The following ARHGAP31 variants were observed in gnomAD, a reference collection of about 807,000 sequenced individuals.
The protein encoded by ARHGAP31 is rho GTPase-activating protein 31.
Under a neutral mutation model 113.9 loss-of-function variants are expected in ARHGAP31, and 34 were observed. The observed-to-expected ratio is 0.30, with a 90% CI of 0.23 to 0.40. The LOEUF is 0.40. Among genes scored for constraint, ARHGAP31 ranks in the 10% least tolerant of loss-of-function variants. The probability of loss-of-function intolerance (pLI) is 1.00; values close to 1 mark genes in which losing one functional copy is unlikely to be tolerated. For missense variants in ARHGAP31, 1,548 were observed against 1,767.1 expected (o/e 0.88, Z 2.22); for synonymous variants, 650 against 684.8 (o/e 0.95, Z 0.79).
chr3:119,359,047 T>C (rs1216218993), intron 1 of ARHGAP31, among the ~76,000 whole-genome samples: 1 of 151,386 alleles, frequency 6.6e-6, no homozygotes, highest in East Asian at 1.9e-4. Context: ...AGAGTCTCAC[T>C]CACTCTGTCA....
chr3:119,295,665 T>C lies in ARHGAP31; in HGVS notation c.100+661T>C, dbSNP rs577008962. ...CATTTGGTGTGTCAGACAAGAAGAG[T>C]GTTGTAAAAAGGTCAGAGGGCCTCC... On this transcript the variant is annotated intron_variant, in intron 1 of 11. Transcript: ENST00000264245. Among the ~76,000 whole-genome samples, 357 of 150,798 alleles carry C rather than the reference T, an allele frequency of 2.4e-3. 3 individuals carry two copies. The highest frequency in any genetic ancestry group is 8.1e-3 in the African/African-American group (334 of 40,982).
chr3:119,309,043 T>C (rs971181685), intron 1 of ARHGAP31, among the ~76,000 whole-genome samples: 1 of 152,150 alleles, frequency 6.6e-6, no homozygotes, highest in African/African-American at 2.4e-5. Flanking sequence ...GGTTTCACGA[T>C]GTTGCCCAGG....
In ARHGAP31 at chr3:119,402,353, G is replaced by A; in HGVS notation, c.1601G>A (p.Gly534Asp). The A allele has an allele frequency of 6.2e-7, 1 of 1,613,774 alleles. No homozygotes were observed. Among genetic ancestry groups the A allele is most frequent in the Non-Finnish European group, 8.5e-7 (1 of 1,180,048 alleles). ...EFSFHGSESG[G>D]WPEEEKPLGA... ...TCTTTTCATGGATCAGAGAGCGGAG[G>A]CTGGCCAGAAGAAGAGAAACCGCTG... Residue 534 changes from glycine to aspartate, a missense_variant, in exon 10 of 12, where the codon GGC (glycine) becomes GAC (aspartate). Transcript: ENST00000264245.
At chr3:119,303,782 G>GT (rs140742505) in intron 1 of ARHGAP31, among the ~76,000 whole-genome samples, 10,838 of 149,658 alleles carry the variant, frequency 0.072, 539 homozygotes, top group Non-Finnish European at 0.1. Context: ...CTCTTTTCAT[G>GT]TTTTTTGTTG....
chr3:119,369,829 C>T (rs1033260393), intron 3 of ARHGAP31, among the ~76,000 whole-genome samples: 1 of 151,764 alleles, frequency 6.6e-6, no homozygotes, highest in Non-Finnish European at 1.5e-5. Context: ...AGTTTGCCCA[C>T]TAAAAATATA....
chr3:119,381,167 A>G (rs2080393667), intron 4 of ARHGAP31, among the ~76,000 whole-genome samples, 181 bp downstream of exon 4: 1 of 152,154 alleles, frequency 6.6e-6, no homozygotes, highest in Non-Finnish European at 1.5e-5. Context: ...CTGACCAGGG[A>G]CATTGGCAGC....
At chr3:119,353,707 A>C (rs1231132933) in intron 1 of ARHGAP31, among the ~76,000 whole-genome samples, 1 of 151,542 alleles carries the variant, frequency 6.6e-6, no homozygotes, top group Non-Finnish European at 1.5e-5. Context: ...GAATTGCTTA[A>C]ACCTGGAAGG....
At chr3:119,324,915 G>A in intron 1 of ARHGAP31, 1 of 456,520 alleles carries the variant, frequency 2.2e-6, no homozygotes, top group Non-Finnish European at 4.4e-6. Context: ...ATGGCTAAAT[G>A]AAGGTGCTAT....
At chr3:119,357,875 T>C (rs1278661432) in intron 1 of ARHGAP31, among the ~76,000 whole-genome samples, 1 of 152,264 alleles carries the variant, frequency 6.6e-6, no homozygotes. Context: ...GCATTACTTA[T>C]AACATCACTC....
intron 3 of ARHGAP31, among the ~76,000 whole-genome samples, chr3:119,377,940 G>A (rs112795424): frequency 0.022 from 3,405 of 152,212 alleles, 135 homozygotes; most frequent in African/African-American, 0.077. Context: ...TGGTGACAGG[G>A]CTGCCCGGGC....
intron 1 of ARHGAP31, 47 bp downstream of exon 1, chr3:119,295,051 TGAGG>T (rs1324374518): frequency 6.4e-7 from 1 of 1,566,570 alleles, no homozygotes; most frequent in Non-Finnish European, 8.8e-7. Context: ...TCTTTTTGTT[TGAGG>T]GAGAGACGGA....
intron 11 of ARHGAP31, among the ~76,000 whole-genome samples, chr3:119,412,887 A>G (rs1386196238): frequency 6.6e-6 from 1 of 151,896 alleles, no homozygotes; most frequent in Admixed American, 6.6e-5. Flanking sequence ...GCCGGGTGGC[A>G]CAGGCCTGTA....
intron 3 of ARHGAP31, among the ~76,000 whole-genome samples, chr3:119,370,971 T>A (rs560867420): frequency 7.8e-4 from 119 of 152,338 alleles, no homozygotes; most frequent in African/African-American, 2.6e-3. Context: ...CCCTGCAGAC[T>A]TTCCAACCCT....
chr3:119,320,884 G>A (rs989590113), intron 1 of ARHGAP31, among the ~76,000 whole-genome samples: 1 of 152,100 alleles, frequency 6.6e-6, no homozygotes, highest in African/African-American at 2.4e-5. Flanking sequence ...CATGGGGCCA[G>A]GCCTTTCTCG....
At chr3:119,297,020 G>T (rs2079538609) in intron 1 of ARHGAP31, among the ~76,000 whole-genome samples, 1 of 152,166 alleles carries the variant, frequency 6.6e-6, no homozygotes, top group Non-Finnish European at 1.5e-5. Context: ...AAACTTTGAA[G>T]ACTGAACATA....
intron 1 of ARHGAP31, among the ~76,000 whole-genome samples, chr3:119,324,184 T>A (rs1422739684): frequency 1.3e-5 from 2 of 152,218 alleles, no homozygotes; most frequent in Non-Finnish European, 2.9e-5. Context: ...AATATACCCT[T>A]GTCTAGCCCC....
At chr3:119,394,789 T>TA (rs1173909614) in intron 8 of ARHGAP31, among the ~76,000 whole-genome samples, 3 of 151,792 alleles carry the variant, frequency 2.0e-5, no homozygotes, top group Admixed American at 6.6e-5. Flanking sequence ...ACCACATCTC[T>TA]AAAAAACAAA....
intron 1 of ARHGAP31, chr3:119,314,736 A>G (rs2079714775): frequency 6.6e-6 from 1 of 152,284 alleles, no homozygotes; most frequent in African/African-American, 2.4e-5. Flanking sequence ...GTCTTAAGCA[A>G]ATCATCATAC....
chr3:119,414,392 G>A lies in ARHGAP31; in HGVS notation c.2463G>A (p.Gln821=). ...TGAGGACAGATCTCTACATAGACCA[G>A]CTGAAGTCCCAAGACAGCCCTGAGA... The part of the protein sequence containing the change: ...RKLRTDLYID[Q]LKSQDSPEIS... The change falls in exon 12 of 12, where the codon CAG becomes CAA. Residue 821 remains glutamine, a synonymous_variant. Transcript: ENST00000264245. The A allele has an allele frequency of 6.2e-7, 1 of 1,614,234 alleles. No homozygotes were observed. Among genetic ancestry groups the A allele is most frequent in the East Asian group, 2.2e-5 (1 of 44,880 alleles).
Sources: allele counts gnomAD v4.1 joint callset (sites outside exome capture counted in the v4.1 genomes callset), GRCh38; gene constraint gnomAD v4.1.1; transcripts MANE v1.5; gene names NCBI Gene and HGNC (gene_info 2026-07-23, HGNC 2026-07-21).